ZMYND8: variants seen among roughly 807,000 people sequenced by gnomAD.
ZMYND8 encodes zinc finger MYND-type containing 8, also known as MYND-type zinc finger-containing chromatin reader ZMYND8.
Under a neutral mutation model 140.8 loss-of-function variants are expected in ZMYND8, and 37 were observed. That is an observed-to-expected ratio of 0.26 (90% CI 0.20 to 0.35). The LOEUF is 0.35. Ranked by LOEUF, ZMYND8 falls within the 10% of genes least tolerant of loss-of-function variation. ZMYND8 has a pLI of 1.00. For synonymous variants in ZMYND8, 592 were observed against 597.1 expected, an observed-to-expected ratio of 0.99 and a Z score of 0.12; for missense variants, 1,068 against 1,570.0, an observed-to-expected ratio of 0.68 and a Z score of 5.40.
At position 47,229,717 on chromosome 20, in the gene ZMYND8, A is replaced by C. The variant is rs1221332515; in HGVS notation, c.2937+9T>G. 2 of 1,611,678 alleles carry C rather than the reference A, an allele frequency of 1.2e-6. No individual in the cohort carries two copies. The highest frequency in any genetic ancestry group is 8.5e-7 in the Non-Finnish European group (1 of 1,178,474). ...TTAGCAAATAAGAAATTCATGTGTC[A>C]TCTCTGACCTCAGCTATTGTGCTTC... On this transcript the variant is annotated intron_variant, in intron 17 of 22. Transcript: ENST00000471951.
chr20:47,279,437 CAAAT>C (rs1375807984), intron 10 of ZMYND8, among the ~76,000 whole-genome samples: 2 of 151,856 alleles, frequency 1.3e-5, no homozygotes, highest in Non-Finnish European at 2.9e-5. Context: ...GACCCCGCCT[CAAAT>C]AAATAAATAA....
rs1286893748 is a variant in ZMYND8, at chr20:47,209,893, GA to G, written c.*867del. The stretch of plus-strand genomic sequence containing the variant: ...CTTGCCTTTGAGTCCTTGCTTCCAA[GA>G]AGCACAGCATCTCTGACCAAGTGTG... On this transcript the variant is annotated 3_prime_UTR_variant, in exon 23 of 23. Transcript: ENST00000471951. The G allele has an allele frequency of 6.6e-6, 1 of 152,604 alleles. No individual in the cohort carries two copies. Among genetic ancestry groups the G allele is most frequent in the Non-Finnish European group, 1.5e-5 (1 of 68,034 alleles). The allele number at this position is 152,604 out of a possible 1,614,324, so 9.5% of individuals were successfully genotyped here.
intron 1 of ZMYND8, among the ~76,000 whole-genome samples, chr20:47,352,230 A>G (rs756771153): frequency 2.6e-5 from 4 of 152,170 alleles, no homozygotes; most frequent in Non-Finnish European, 5.9e-5. Context: ...CATCCATACC[A>G]AAAAGGCGCT....
intron 11 of ZMYND8, among the ~76,000 whole-genome samples, chr20:47,268,080 T>G (rs2075661642): frequency 6.6e-6 from 1 of 152,150 alleles, no homozygotes; most frequent in African/African-American, 2.4e-5. Flanking sequence ...GCATAATACA[T>G]TCACTGAATG....
chr20:47,271,048 G>A (rs992511508), intron 11 of ZMYND8, among the ~76,000 whole-genome samples: 39 of 152,000 alleles, frequency 2.6e-4, no homozygotes, highest in African/African-American at 9.2e-4. Flanking sequence ...CTGTACTCCA[G>A]CCTGGACGAC....
rs781260748 is a variant in ZMYND8 at position 47,209,771 on chromosome 20, A to C, written c.*990T>G. ...CATGACGGGCCTTGCTTTCTCTCAT[A>C]CTGCCTGTGTTTCATGCTTACATAA... On this transcript the variant is annotated 3_prime_UTR_variant, in exon 23 of 23. Coordinates refer to ENST00000471951, the MANE Select transcript of ZMYND8 (RefSeq NM_001281775.3). The C allele has an allele frequency of 6.6e-6, 1 of 152,638 alleles. No individual in the cohort carries two copies. The highest frequency in any genetic ancestry group is 1.5e-5 in the Non-Finnish European group (1 of 68,028). The allele number at this position is 152,638 out of a possible 1,614,324, so 9.5% of individuals were successfully genotyped here. A position where few individuals can be genotyped will look rare whatever the true frequency, so the allele number is the denominator to read the frequency against.
At chr20:47,242,620 G>C (rs1474373780) in intron 14 of ZMYND8, among the ~76,000 whole-genome samples, 1 of 152,208 alleles carries the variant, frequency 6.6e-6, no homozygotes, top group Admixed American at 6.5e-5. Context: ...CAAAATGGTC[G>C]TTTTCTCTCT....
intron 10 of ZMYND8, among the ~76,000 whole-genome samples, chr20:47,279,559 A>G (rs2076473827): frequency 6.7e-6 from 1 of 148,716 alleles, no homozygotes; most frequent in Non-Finnish European, 1.5e-5. Context: ...GCTTGACAAA[A>G]TAGAGTCTCT....
chr20:47,341,327 G>A (rs768046847), intron 2 of ZMYND8, among the ~76,000 whole-genome samples: 2 of 150,978 alleles, frequency 1.3e-5, no homozygotes, highest in Non-Finnish European at 2.9e-5. Context: ...AGGAGTTCGA[G>A]ACTAGCCTGG....
At chr20:47,249,767 T>C (rs1328135360) in intron 12 of ZMYND8, among the ~76,000 whole-genome samples, 2 of 152,184 alleles carry the variant, frequency 1.3e-5, no homozygotes, top group African/African-American at 4.8e-5. Context: ...ACAAAGGTTA[T>C]GGGCAGATAT....
chr20:47,321,814 T>C (rs1311556309), intron 2 of ZMYND8, among the ~76,000 whole-genome samples: 1 of 151,998 alleles, frequency 6.6e-6, no homozygotes, highest in Non-Finnish European at 1.5e-5. Context: ...CTGGGAGGCA[T>C]TGTTAGAAAT....
intron 11 of ZMYND8, among the ~76,000 whole-genome samples, chr20:47,274,985 G>A (rs2076170718): frequency 6.6e-6 from 1 of 152,164 alleles, no homozygotes; most frequent in African/African-American, 2.4e-5. Flanking sequence ...TGTGTGAAGG[G>A]AGTGAGGGAG....
chr20:47,318,156 T>G (rs951278849), intron 2 of ZMYND8, among the ~76,000 whole-genome samples: 5 of 152,136 alleles, frequency 3.3e-5, no homozygotes, highest in African/African-American at 1.2e-4. Context: ...CCGGCCTGTG[T>G]AGACTGGAGA....
intron 5 of ZMYND8, among the ~76,000 whole-genome samples, chr20:47,293,198 GGCAGGCAGGCAGGCAGGC>G (rs2077412723): frequency 1.5e-5 from 1 of 64,850 alleles, no homozygotes; most frequent in African/African-American, 1.0e-4. Flanking sequence ...CAGGCAGGCA[GGCAGGCAGGCAGGCAGGC>G]AGGGAGGGAG....
At chr20:47,325,646 G>A (rs1187752340) in intron 2 of ZMYND8, among the ~76,000 whole-genome samples, 1 of 152,136 alleles carries the variant, frequency 6.6e-6, no homozygotes, top group Admixed American at 6.5e-5. Flanking sequence ...CAAAAGCAGG[G>A]GAGTAAGTAA....
chr20:47,269,805 G>A lies in ZMYND8; in HGVS notation c.1480+6509C>T, dbSNP rs76177495. Among the ~76,000 whole-genome samples, 408 of 152,346 alleles carry A rather than the reference G, an allele frequency of 2.7e-3. 2 individuals carry two copies. Among genetic ancestry groups the A allele is most frequent in the African/African-American group, 9.3e-3 (385 of 41,592 alleles). On this transcript the variant is annotated intron_variant, in intron 11 of 22. Transcript: ENST00000471951. ...ATAAAACCTCAGAAACAACCTGTAT[G>A]TTCAAAGTGCCGCACCTTGCACAAC...
In ZMYND8 at chr20:47,298,636, C is replaced by G; in HGVS notation, c.453+93G>C. 6.5e-7 allele frequency: 1 copy of G among 1,528,038 alleles called. No individual in the cohort carries two copies. The highest frequency in any genetic ancestry group is 2.5e-5 in the East Asian group (1 of 40,628). The allele number at this position is 1,528,038 out of a possible 1,614,324, so 94.7% of individuals were successfully genotyped here. A position where few individuals can be genotyped will look rare whatever the true frequency, so the allele number is the denominator to read the frequency against. On this transcript the variant is annotated intron_variant, in intron 4 of 22. Transcript: ENST00000471951. This position sits in a 1 kb window ranked among gnomAD's most constrained non-coding sequence, Gnocchi z 5.0. ...AAAGCAAGAAATTTCTCTTTTCCAT[C>G]TATCTGGATTATTTGTAAATTTAAA... is the stretch of plus-strand genomic sequence containing the variant.
chr20:47,232,752 A>C (rs1242772734), intron 16 of ZMYND8, among the ~76,000 whole-genome samples: 1 of 152,026 alleles, frequency 6.6e-6, no homozygotes, highest in African/African-American at 2.4e-5. Flanking sequence ...TTCAGGCAAA[A>C]CCAGACACCT....
At chr20:47,344,386 C>G (rs2082169354) in intron 2 of ZMYND8, among the ~76,000 whole-genome samples, 1 of 152,160 alleles carries the variant, frequency 6.6e-6, no homozygotes, top group Non-Finnish European at 1.5e-5. Context: ...CCACAGTTTA[C>G]CAGAGTCTAA....
Sources: gnomAD v4.1 joint callset for allele counts (sites outside exome capture counted in the v4.1 genomes callset) on GRCh38, gnomAD v4.1.1 for gene constraint, Gnocchi (gnomAD v3.1) non-coding constraint, MANE v1.5 for transcripts, NCBI Gene and HGNC (gene_info 2026-07-23, HGNC 2026-07-21) for gene names.